The following ADAM22 variants were observed in gnomAD, a reference collection of about 807,000 sequenced individuals.
ADAM22 encodes ADAM metallopeptidase domain 22.
In ADAM22, 65 loss-of-function variants were observed where a neutral mutation model predicts 144.6. The ratio of observed to expected loss-of-function variants is 0.45; its 90% CI spans 0.37 to 0.55. The LOEUF (loss-of-function observed/expected upper bound fraction) is 0.55, where lower values mean the gene tolerates loss of function less well. Among genes scored for constraint, ADAM22 ranks in the 20% least tolerant of loss-of-function variants. The probability of loss-of-function intolerance (pLI) is 0.00; values close to 1 mark genes in which losing one functional copy is unlikely to be tolerated. For missense variants in ADAM22, 974 were observed against 1,184.9 expected (o/e 0.82, Z 2.61); for synonymous variants, 391 against 412.6 (o/e 0.95, Z 0.63).
chr7:87,970,624 T>C (rs1850207733), intron 2 of ADAM22, among the ~76,000 whole-genome samples: 2 of 152,176 alleles, frequency 1.3e-5, no homozygotes, highest in African/African-American at 4.8e-5. Flanking sequence ...AAAAGTTCCT[T>C]TGTGTTTGAT....
At chr7:88,171,939 C>T (rs1430463450) in intron 26 of ADAM22, among the ~76,000 whole-genome samples, 1 of 151,670 alleles carries the variant, frequency 6.6e-6, no homozygotes, top group Non-Finnish European at 1.5e-5. Flanking sequence ...ACTCTTATTG[C>T]CTAATACTTT....
chr7:87,942,267 G>A lies in ADAM22; in HGVS notation c.246+7081G>A, dbSNP rs1329621220. Among the ~76,000 whole-genome samples the A allele has an allele frequency of 3.3e-5, 5 of 152,146 alleles. No individual in the cohort carries two copies. In the East Asian group the frequency reaches 9.6e-4, roughly 29 times the overall value. On this transcript the variant is annotated intron_variant, in intron 2 of 31. Coordinates refer to ENST00000413139, the MANE Select transcript of ADAM22 (RefSeq NM_001324418.2). Reference sequence around the variant, plus strand: ...TATATACTAAAATAGCTAAATATATGGTAACTTACATGGCTACCTTTTATG... The same window carrying A: ...TATATACTAAAATAGCTAAATATATAGTAACTTACATGGCTACCTTTTATG...
At chr7:88,183,477 C>T (rs1050412238) in intron 29 of ADAM22, among the ~76,000 whole-genome samples, 2 of 151,994 alleles carry the variant, frequency 1.3e-5, no homozygotes, top group Admixed American at 6.6e-5. Context: ...TAGGACCTAA[C>T]GCACATTTGG....
chr7:88,174,474 T>A (rs1343429142), intron 26 of ADAM22, among the ~76,000 whole-genome samples: 1 of 152,174 alleles, frequency 6.6e-6, no homozygotes, highest in East Asian at 1.9e-4. Flanking sequence ...ATTTAAAATA[T>A]TCAGGAAGGA....
chr7:88,141,084 G>A (rs183344015), intron 14 of ADAM22, among the ~76,000 whole-genome samples: 3 of 152,286 alleles, frequency 2.0e-5, no homozygotes, highest in Admixed American at 6.5e-5. Context: ...GGTTCCTCCC[G>A]TGGTGGAGAC....
At chr7:88,095,232 C>G (rs1820937797) in intron 4 of ADAM22, among the ~76,000 whole-genome samples, 1 of 152,136 alleles carries the variant, frequency 6.6e-6, no homozygotes, top group Non-Finnish European at 1.5e-5. Context: ...ATTTTCTGTG[C>G]CTCTAGACTG....
At chr7:88,006,902 G>A (rs911537156) in intron 3 of ADAM22, among the ~76,000 whole-genome samples, 4 of 150,172 alleles carry the variant, frequency 2.7e-5, no homozygotes, top group Non-Finnish European at 5.9e-5. Flanking sequence ...TTCTGGCCAG[G>A]GCAATTAGGC....
Position 88,182,121 on chromosome 7 carries a change from G to A in ADAM22, c.2663+97G>A, listed in dbSNP as rs1401073462. ...AGATAGTCAAAGAACTGTAAACCAT[G>A]TCTCCGGTCTTGGTTTTGTCTTTTA... On this transcript the variant is annotated intron_variant, in intron 29 of 31. Coordinates refer to ENST00000413139, the MANE Select transcript of ADAM22 (RefSeq NM_001324418.2). 4.6e-6 allele frequency: 5 copies of A among 1,091,688 alleles called. No homozygotes were observed. In the African/African-American group the frequency reaches 6.4e-5, roughly 14 times the overall value. 67.6% of individuals were successfully genotyped at this position (1,091,688 alleles called of 1,614,324 possible).
At chr7:87,982,952 A>G (rs1854050300) in intron 3 of ADAM22, among the ~76,000 whole-genome samples, 2 of 151,436 alleles carry the variant, frequency 1.3e-5, no homozygotes, top group Non-Finnish European at 2.9e-5. Flanking sequence ...CGGCCTCCCA[A>G]AGTGCTGGGA....
At chr7:88,004,769 A>G (rs1793391866) in intron 3 of ADAM22, among the ~76,000 whole-genome samples, 1 of 152,216 alleles carries the variant, frequency 6.6e-6, no homozygotes, top group African/African-American at 2.4e-5. Flanking sequence ...TGGCATTTCA[A>G]GTTTTGAGGG....
intron 18 of ADAM22, among the ~76,000 whole-genome samples, chr7:88,150,513 A>AT (rs1382369387): frequency 3.3e-5 from 5 of 152,166 alleles, no homozygotes; most frequent in Non-Finnish European, 5.9e-5. Flanking sequence ...TATAAGGGCT[A>AT]TGTTTCTTCT....
At chr7:87,992,722 T>G (rs1790186754) in intron 3 of ADAM22, among the ~76,000 whole-genome samples, 1 of 152,128 alleles carries the variant, frequency 6.6e-6, no homozygotes, top group South Asian at 2.1e-4. Flanking sequence ...AAAGTCTGAC[T>G]CAAGTATCTT....
chr7:88,002,557 A>G (rs1192742408), intron 3 of ADAM22, among the ~76,000 whole-genome samples: 5 of 152,204 alleles, frequency 3.3e-5, no homozygotes, highest in Admixed American at 1.3e-4. Flanking sequence ...TCTCTGTGAC[A>G]AAAATGTTTA....
intron 3 of ADAM22, among the ~76,000 whole-genome samples, chr7:88,025,367 T>G (rs577899666): frequency 4.1e-4 from 63 of 152,348 alleles, no homozygotes; most frequent in Non-Finnish European, 7.5e-4. Context: ...GTGCAGAAGC[T>G]TTTTAACTTA....
intron 2 of ADAM22, among the ~76,000 whole-genome samples, chr7:87,975,980 A>G (rs1851813862): frequency 6.6e-6 from 1 of 152,216 alleles, no homozygotes; most frequent in South Asian, 2.1e-4. Context: ...TTGACATCAC[A>G]TTAAAAGCAA....
intron 3 of ADAM22, among the ~76,000 whole-genome samples, chr7:88,022,589 TTGTC>T (rs1282057453): frequency 2.0e-5 from 3 of 152,164 alleles, no homozygotes; most frequent in African/African-American, 4.8e-5. Context: ...CTAGAGAAAA[TTGTC>T]TGGAAATTTT....
chr7:87,974,441 T>C (rs545837634), intron 2 of ADAM22, among the ~76,000 whole-genome samples: 6 of 152,248 alleles, frequency 3.9e-5, no homozygotes, highest in South Asian at 2.1e-4. Context: ...GAAACCAGGC[T>C]CACATTTATT....
At chr7:88,038,901 C>A (rs1258462205) in intron 3 of ADAM22, among the ~76,000 whole-genome samples, 1 of 152,070 alleles carries the variant, frequency 6.6e-6, no homozygotes, top group Non-Finnish European at 1.5e-5. Context: ...CCACCTCAGC[C>A]TCTCGAGTAG....
chr7:88,108,128 G>T, intron 4 of ADAM22, 48 bp from the exon 5 acceptor site: 1 of 1,518,966 alleles, frequency 6.6e-7, no homozygotes, highest in Non-Finnish European at 9.1e-7. Flanking sequence ...TGAAGCAGCT[G>T]ATTCTCCTTG....
Sources: gnomAD v4.1 joint callset for allele counts (sites outside exome capture counted in the v4.1 genomes callset) on GRCh38, gnomAD v4.1.1 for gene constraint, MANE v1.5 for transcripts, NCBI Gene and HGNC (gene_info 2026-07-23, HGNC 2026-07-21) for gene names.